The following ARHGAP15 variants were observed in gnomAD, a reference collection of about 807,000 sequenced individuals.
ARHGAP15 encodes Rho GTPase activating protein 15.
A neutral mutation model predicts 63.7 loss-of-function variants in ARHGAP15; 51 were observed. That is an observed-to-expected ratio of 0.80 (90% CI 0.64 to 1.01). The LOEUF (loss-of-function observed/expected upper bound fraction) is 1.01. Ranked by LOEUF, ARHGAP15 falls within the 50% of genes least tolerant of loss-of-function variation. The pLI is 0.00. For missense variants in ARHGAP15, 560 were observed against 564.6 expected, an observed-to-expected ratio of 0.99 and a Z score of 0.08; for synonymous variants, 191 against 193.8, an observed-to-expected ratio of 0.99 and a Z score of 0.12.
chr2:143,416,474 C>T (rs187966404), intron 6 of ARHGAP15, among the ~76,000 whole-genome samples: 16 of 142,948 alleles, frequency 1.1e-4, no homozygotes, highest in African/African-American at 3.7e-4. Context: ...TGGTTTCACT[C>T]GATTGCAGTT....
intron 8 of ARHGAP15, among the ~76,000 whole-genome samples, chr2:143,482,232 T>G (rs1325564665): frequency 6.6e-6 from 1 of 152,152 alleles, no homozygotes; most frequent in Non-Finnish European, 1.5e-5. Flanking sequence ...GCTCTATTTA[T>G]TTTCAAATAA....
chr2:143,268,286 T>A (rs2105041019), intron 6 of ARHGAP15, among the ~76,000 whole-genome samples: 1 of 152,102 alleles, frequency 6.6e-6, no homozygotes, highest in South Asian at 2.1e-4. Flanking sequence ...ACAGTCCCAG[T>A]AAACCAAGTT....
intron 3 of ARHGAP15, among the ~76,000 whole-genome samples, chr2:143,213,885 TCTTAA>T (rs1228820593): frequency 6.6e-6 from 1 of 152,188 alleles, no homozygotes; most frequent in Non-Finnish European, 1.5e-5. Flanking sequence ...ATTTATTGAG[TCTTAA>T]CTTGAGAAAT....
chr2:143,671,087 A>T (rs1574815303), intron 12 of ARHGAP15, among the ~76,000 whole-genome samples: 1 of 152,226 alleles, frequency 6.6e-6, no homozygotes, highest in East Asian at 1.9e-4. Flanking sequence ...AAAGCTAAAT[A>T]ACATAGTCTA....
intron 12 of ARHGAP15, among the ~76,000 whole-genome samples, chr2:143,660,659 T>G (rs1681715707): frequency 6.6e-6 from 1 of 152,204 alleles, no homozygotes; most frequent in South Asian, 2.1e-4. Flanking sequence ...CATCTTGATT[T>G]GAGTACCAGT....
chr2:143,495,924 G>A (rs1692794470), intron 9 of ARHGAP15, among the ~76,000 whole-genome samples: 1 of 152,168 alleles, frequency 6.6e-6, no homozygotes. Flanking sequence ...ATCATTGCTT[G>A]GGTCTGAAAT....
intron 11 of ARHGAP15, among the ~76,000 whole-genome samples, chr2:143,557,743 G>A (rs1421875174): frequency 6.6e-6 from 1 of 152,052 alleles, no homozygotes; most frequent in East Asian, 1.9e-4. Flanking sequence ...TTAACTCTCT[G>A]TACTTTCTGC....
intron 12 of ARHGAP15, among the ~76,000 whole-genome samples, chr2:143,635,418 T>C (rs745352469): frequency 6.6e-5 from 10 of 152,154 alleles, no homozygotes; most frequent in Non-Finnish European, 1.0e-4. Flanking sequence ...CTTGTTTGCC[T>C]ACATTCAGTC....
intron 1 of ARHGAP15, among the ~76,000 whole-genome samples, chr2:143,132,846 C>T (rs558656021): frequency 1.3e-5 from 2 of 152,268 alleles, no homozygotes; most frequent in South Asian, 2.1e-4. Flanking sequence ...AATTGAAAGG[C>T]GGATCTGATT....
chr2:143,396,801 A>T (rs1687781211), intron 6 of ARHGAP15, among the ~76,000 whole-genome samples: 1 of 152,064 alleles, frequency 6.6e-6, no homozygotes, highest in African/African-American at 2.4e-5. Context: ...CTCAATACCC[A>T]GGACCTTTCC....
intron 6 of ARHGAP15, among the ~76,000 whole-genome samples, chr2:143,420,958 A>G (rs567030642): frequency 6.6e-6 from 1 of 152,296 alleles, no homozygotes; most frequent in Non-Finnish European, 1.5e-5. Context: ...ATCTTGTATC[A>G]TGGTGCTGCA....
At position 143,737,117 on chromosome 2, in the gene ARHGAP15, G is replaced by A. The variant is rs146039245; in HGVS notation, c.1245-30872G>A. 1.2e-4 allele frequency among the ~76,000 whole-genome samples: 18 copies of A among 152,300 alleles called. No homozygotes were observed. In the East Asian group the frequency reaches 3.1e-3, roughly 26 times the overall value. On this transcript the variant is annotated intron_variant, in intron 13 of 13. Transcript: ENST00000295095. ...TTTCCTCTAGTGGGAACAGATGAGC[G>A]CAGTTGAGAGTCATTAACTAGCCGG...
intron 12 of ARHGAP15, among the ~76,000 whole-genome samples, chr2:143,686,372 A>G (rs1254818194): frequency 1.8e-5 from 2 of 112,810 alleles, no homozygotes; most frequent in African/African-American, 3.4e-5. Flanking sequence ...TGACAGAGCG[A>G]GACTCTGTCT....
chr2:143,656,311 TATTATTGTCA>T (rs1681431754), intron 12 of ARHGAP15: 1 of 152,212 alleles, frequency 6.6e-6, no homozygotes, highest in Non-Finnish European at 1.5e-5. Context: ...TAACTATGGC[TATTATTGTCA>T]AAAGTGATGC....
intron 12 of ARHGAP15, among the ~76,000 whole-genome samples, chr2:143,689,370 A>T (rs1362464660): frequency 6.6e-6 from 1 of 152,056 alleles, no homozygotes; most frequent in Non-Finnish European, 1.5e-5. Flanking sequence ...ATTTTATTAG[A>T]GATACTAAGT....
chr2:143,677,053 T>C (rs1682862307), intron 12 of ARHGAP15, among the ~76,000 whole-genome samples: 1 of 152,222 alleles, frequency 6.6e-6, no homozygotes, highest in Non-Finnish European at 1.5e-5. Context: ...TGAAAGACCA[T>C]TTATGGTATG....
At chr2:143,135,944 T>C (rs1689116284) in intron 1 of ARHGAP15, among the ~76,000 whole-genome samples, 1 of 152,254 alleles carries the variant, frequency 6.6e-6, no homozygotes, top group Middle Eastern at 3.4e-3. Context: ...CTCTTAGCAG[T>C]AAAACTATAA....
intron 13 of ARHGAP15, among the ~76,000 whole-genome samples, chr2:143,721,192 T>C (rs1217230881): frequency 6.6e-6 from 1 of 151,380 alleles, no homozygotes; most frequent in Non-Finnish European, 1.5e-5. Context: ...CAGAACAGGA[T>C]CTAAAGACAA....
chr2:143,735,723 G>A (rs1223790033), intron 13 of ARHGAP15, among the ~76,000 whole-genome samples: 1 of 151,880 alleles, frequency 6.6e-6, no homozygotes, highest in Non-Finnish European at 1.5e-5. Context: ...CCCCAAAGAT[G>A]GTCTTAGCAA....
Sources: gnomAD v4.1 joint callset for allele counts (sites outside exome capture counted in the v4.1 genomes callset) on GRCh38, gnomAD v4.1.1 for gene constraint, MANE v1.5 for transcripts, NCBI Gene and HGNC (gene_info 2026-07-23, HGNC 2026-07-21) for gene names.